Variants in SEMA6D observed in about 807,000 individuals in gnomAD.
The protein encoded by SEMA6D is semaphorin-6D.
Under a neutral mutation model 106.6 loss-of-function variants are expected in SEMA6D, and 35 were observed. That is an observed-to-expected ratio of 0.33 (90% CI 0.25 to 0.44). The LOEUF is 0.44. Among genes scored for constraint, SEMA6D ranks in the 20% least tolerant of loss-of-function variants. The pLI is 1.00. For synonymous variants in SEMA6D, 499 were observed against 487.7 expected (o/e 1.02, Z -0.31); for missense variants, 1,185 against 1,345.9 (o/e 0.88, Z 1.87).
intron 4 of SEMA6D, among the ~76,000 whole-genome samples, chr15:47,607,637 A>C (rs1302164375): frequency 1.3e-5 from 2 of 152,260 alleles, no homozygotes; most frequent in African/African-American, 4.8e-5. Flanking sequence ...TTAACAGTGC[A>C]GGCCTAATTA....
rs910356427 is a variant in SEMA6D at position 47,547,767 on chromosome 15, T to C, written c.-86-53098T>C. Among the ~76,000 whole-genome samples the C allele has an allele frequency of 3.3e-5, 5 of 152,140 alleles. No individual in the cohort carries two copies. In the East Asian group the frequency reaches 7.7e-4, roughly 23 times the overall value. On this transcript the variant is annotated intron_variant, in intron 3 of 19. Coordinates refer to the SEMA6D transcript ENST00000558014. ...TGGCCTAAAGCCTCTTAAAACCTTA[T>C]AAAAATGTATGTCTAAAGCATTATT...
chr15:47,438,726 C>T (rs1175753854), intron 2 of SEMA6D, among the ~76,000 whole-genome samples: 1 of 151,654 alleles, frequency 6.6e-6, no homozygotes, highest in African/African-American at 2.4e-5. Flanking sequence ...TTGCACCTGC[C>T]CCTTCCCTGG....
In SEMA6D at chr15:47,764,697, C is replaced by T. The variant is rs759412825; in HGVS notation, c.1157C>T (p.Pro386Leu). 3 of 1,614,064 alleles carry T rather than the reference C, an allele frequency of 1.9e-6. No individual in the cohort carries two copies. Among genetic ancestry groups the T allele is most frequent in the Non-Finnish European group, 2.5e-6 (3 of 1,179,914 alleles). ...AEAYKTSIDF[P>L]DETLSFIKSH... Reference sequence around the variant, plus strand: ...GCTTATAAAACCTCCATCGATTTCCCGGATGAAACTCTGTCATTCATCAAA... The same window carrying T: ...GCTTATAAAACCTCCATCGATTTCCTGGATGAAACTCTGTCATTCATCAAA... Residue 386 changes from proline to leucine, a missense_variant, in exon 12 of 19, where the codon CCG becomes CTG. Pro to Leu is a moderately conservative substitution (Grantham distance 98). Transcript: ENST00000536845.
chr15:47,623,497 A>G (rs1281517263), intron 4 of SEMA6D, among the ~76,000 whole-genome samples: 1 of 152,192 alleles, frequency 6.6e-6, no homozygotes, highest in Non-Finnish European at 1.5e-5. Flanking sequence ...AAGCCAATGG[A>G]ATAATTAGTT....
At chr15:47,328,844 T>C (rs1311948243) in intron 1 of SEMA6D, among the ~76,000 whole-genome samples, 1 of 152,168 alleles carries the variant, frequency 6.6e-6, no homozygotes, top group African/African-American at 2.4e-5. Context: ...AAAACAGTCT[T>C]ATATCTTTCT....
chr15:47,466,744 A>C (rs1377859544), intron 2 of SEMA6D, among the ~76,000 whole-genome samples: 1 of 143,126 alleles, frequency 7.0e-6, no homozygotes, highest in Non-Finnish European at 1.5e-5. Context: ...TTTTTTTTGG[A>C]AATGGAGTCT....
chr15:47,219,756 C>T (rs564035962), intron 1 of SEMA6D, among the ~76,000 whole-genome samples: 2 of 152,304 alleles, frequency 1.3e-5, no homozygotes, highest in African/African-American at 4.8e-5. Flanking sequence ...AAAATATCAT[C>T]CATGTATTTA....
chr15:47,564,741 C>T (rs564464104), intron 3 of SEMA6D, among the ~76,000 whole-genome samples: 3 of 152,208 alleles, frequency 2.0e-5, no homozygotes, highest in African/African-American at 7.2e-5. Flanking sequence ...GAACTTATAT[C>T]CCTGTTTTCT....
chr15:47,344,998 T>C (rs1464129211), intron 1 of SEMA6D, among the ~76,000 whole-genome samples: 1 of 152,170 alleles, frequency 6.6e-6, no homozygotes, highest in Non-Finnish European at 1.5e-5. Flanking sequence ...GAAACAAGTA[T>C]GCATAATTTA....
chr15:47,405,900 C>T (rs2040549377), intron 1 of SEMA6D, among the ~76,000 whole-genome samples: 1 of 152,110 alleles, frequency 6.6e-6, no homozygotes, highest in Non-Finnish European at 1.5e-5. Context: ...TCTGGTAGCT[C>T]CAAAGTGTGA....
At chr15:47,232,732 T>C (rs2032286627) in intron 1 of SEMA6D, among the ~76,000 whole-genome samples, 1 of 148,992 alleles carries the variant, frequency 6.7e-6, no homozygotes, top group South Asian at 2.1e-4. Context: ...TATACTTTGT[T>C]TGAAAAAATG....
At chr15:47,521,515 T>G (rs781281651) in intron 3 of SEMA6D, among the ~76,000 whole-genome samples, 4 of 152,194 alleles carry the variant, frequency 2.6e-5, no homozygotes, top group Non-Finnish European at 5.9e-5. Context: ...TGAACAAATG[T>G]TCCTTGAGTA....
intron 1 of SEMA6D, among the ~76,000 whole-genome samples, chr15:47,220,961 T>C (rs2031142041): frequency 1.3e-5 from 2 of 152,320 alleles, no homozygotes; most frequent in South Asian, 2.1e-4. Flanking sequence ...AATGTTAATA[T>C]ATTAAAATGT....
intron 2 of SEMA6D, among the ~76,000 whole-genome samples, chr15:47,419,468 G>A (rs1324571949): frequency 1.3e-5 from 2 of 152,102 alleles, no homozygotes; most frequent in African/African-American, 4.8e-5. Context: ...ATGAACTGGA[G>A]GATGGTGGAG....
chr15:47,349,715 T>A (rs1401977485), intron 1 of SEMA6D, among the ~76,000 whole-genome samples: 2 of 137,194 alleles, frequency 1.5e-5, no homozygotes, highest in African/African-American at 4.9e-5. Flanking sequence ...GATCTAGAGA[T>A]AAAGCCTAAT....
intron 1 of SEMA6D, among the ~76,000 whole-genome samples, chr15:47,303,478 A>G (rs897144458): frequency 6.6e-6 from 1 of 152,122 alleles, no homozygotes; most frequent in Non-Finnish European, 1.5e-5. Context: ...CTCCTCATCA[A>G]CCTATTTAAA....
intron 1 of SEMA6D, among the ~76,000 whole-genome samples, chr15:47,367,247 C>T (rs867923123): frequency 1.3e-5 from 2 of 152,108 alleles, no homozygotes; most frequent in African/African-American, 2.4e-5. Flanking sequence ...CTCCTTCCCC[C>T]CCTTCTTCAA....
At chr15:47,531,337 T>A (rs887142699) in intron 3 of SEMA6D, among the ~76,000 whole-genome samples, 6 of 152,232 alleles carry the variant, frequency 3.9e-5, no homozygotes, top group African/African-American at 1.4e-4. Context: ...GAAATCCTCA[T>A]CATAACCTCA....
chr15:47,218,580 C>CA (rs1378713827), intron 1 of SEMA6D, among the ~76,000 whole-genome samples: 1 of 152,206 alleles, frequency 6.6e-6, no homozygotes, highest in East Asian at 1.9e-4. Context: ...ATCTACAACT[C>CA]AGTCATGCTT....
Sources: allele counts gnomAD v4.1 joint callset (sites outside exome capture counted in the v4.1 genomes callset), GRCh38; gene constraint gnomAD v4.1.1; transcripts MANE v1.5; gene names NCBI Gene and HGNC (gene_info 2026-07-23, HGNC 2026-07-21).